The following SYN3 variants were observed in gnomAD, a reference collection of about 807,000 sequenced individuals.
The protein encoded by SYN3 is synapsin III.
In SYN3, 35 loss-of-function variants were observed where a neutral mutation model predicts 65.8. The observed-to-expected ratio is 0.53, with a 90% CI of 0.41 to 0.70. The LOEUF (loss-of-function observed/expected upper bound fraction) is 0.70, where lower values mean the gene tolerates loss of function less well. SYN3 is among the 30% of genes least tolerant of loss of function. The pLI is 0.00. For missense variants in SYN3, 680 were observed against 749.0 expected (o/e 0.91, Z 1.08); for synonymous variants, 270 against 292.9 (o/e 0.92, Z 0.80).
intron 6 of SYN3, among the ~76,000 whole-genome samples, chr22:32,819,692 A>G (rs1213027882): frequency 6.6e-6 from 1 of 152,056 alleles, no homozygotes; most frequent in Non-Finnish European, 1.5e-5. Context: ...GAGTAAGCAC[A>G]CTCTAGGGGC....
chr22:32,649,431 G>C (rs1047192446), intron 6 of SYN3, among the ~76,000 whole-genome samples: 3 of 152,170 alleles, frequency 2.0e-5, no homozygotes, highest in Non-Finnish European at 1.5e-5. Flanking sequence ...TTTTCGTATA[G>C]TCTATTTAAT....
intron 7 of SYN3, among the ~76,000 whole-genome samples, chr22:32,579,576 A>G (rs534412303): frequency 6.6e-6 from 1 of 152,300 alleles, no homozygotes; most frequent in African/African-American, 2.4e-5. Flanking sequence ...ATATGAACCT[A>G]ATAATATGTT....
At chr22:32,635,577 G>A in intron 6 of SYN3, among the ~76,000 whole-genome samples, 1 of 152,184 alleles carries the variant, frequency 6.6e-6, no homozygotes, top group East Asian at 1.9e-4. Context: ...TGCTTTCAAG[G>A]TCCCTGGTGC....
intron 6 of SYN3, among the ~76,000 whole-genome samples, chr22:32,632,597 GA>G (rs1442351637): frequency 6.6e-6 from 1 of 152,188 alleles, no homozygotes; most frequent in Non-Finnish European, 1.5e-5. Context: ...CCTAAGGTTT[GA>G]TGACTGAGAA....
At chr22:32,615,205 T>C (rs2146710496) in intron 6 of SYN3, among the ~76,000 whole-genome samples, 1 of 151,330 alleles carries the variant, frequency 6.6e-6, no homozygotes, top group South Asian at 2.1e-4. Flanking sequence ...ACCGCTGAGG[T>C]GGGTGGATCA....
intron 12 of SYN3, among the ~76,000 whole-genome samples, chr22:32,526,481 A>G (rs760693355): frequency 5.9e-5 from 9 of 151,932 alleles, no homozygotes; most frequent in Non-Finnish European, 1.0e-4. Context: ...CATGATAGTA[A>G]TGCCTTCTTT....
At chr22:32,750,893 G>C (rs2045099912) in intron 6 of SYN3, among the ~76,000 whole-genome samples, 1 of 152,098 alleles carries the variant, frequency 6.6e-6, no homozygotes. Flanking sequence ...TTTTGGGGTG[G>C]GGAGAAGATC....
chr22:32,790,328 TA>T (rs1406093249), intron 6 of SYN3, among the ~76,000 whole-genome samples: 1 of 152,124 alleles, frequency 6.6e-6, no homozygotes, highest in Non-Finnish European at 1.5e-5. Context: ...TATACTGTAA[TA>T]AACAATTAAG....
At chr22:32,762,750 G>T (rs900995600) in intron 6 of SYN3, among the ~76,000 whole-genome samples, 1 of 152,334 alleles carries the variant, frequency 6.6e-6, no homozygotes, top group African/African-American at 2.4e-5. Flanking sequence ...GGCACGCCCT[G>T]GTTCCCACTT....
At chr22:32,956,383 G>A (rs1186763543) in intron 3 of SYN3, among the ~76,000 whole-genome samples, 1 of 151,942 alleles carries the variant, frequency 6.6e-6, no homozygotes, top group African/African-American at 2.4e-5. Context: ...CTCAAACTCT[G>A]ACCTCAAATA....
chr22:32,891,716 C>T (rs1437960496), intron 4 of SYN3, among the ~76,000 whole-genome samples: 5 of 152,060 alleles, frequency 3.3e-5, no homozygotes, highest in African/African-American at 1.2e-4. Context: ...TTCAGGGCCA[C>T]GCACACCAAG....
chr22:32,999,566 C>T (rs145208301), intron 2 of SYN3, among the ~76,000 whole-genome samples: 36 of 152,222 alleles, frequency 2.4e-4, no homozygotes, highest in Non-Finnish European at 4.7e-4. Flanking sequence ...GCCTGCAATC[C>T]CAGACCCCCA....
At chr22:32,790,840 G>C (rs1430218553) in intron 6 of SYN3, among the ~76,000 whole-genome samples, 2 of 152,162 alleles carry the variant, frequency 1.3e-5, no homozygotes, top group African/African-American at 4.8e-5. Flanking sequence ...GGGGTCTCTA[G>C]AACCTTGCTC....
intron 6 of SYN3, among the ~76,000 whole-genome samples, chr22:32,666,123 A>C (rs938526477): frequency 2.0e-5 from 3 of 152,158 alleles, no homozygotes; most frequent in Admixed American, 2.0e-4. Flanking sequence ...TTCAAAATAC[A>C]TTCAGAATAT....
chr22:32,575,303 C>T (rs185933376), intron 7 of SYN3, among the ~76,000 whole-genome samples: 1 of 152,232 alleles, frequency 6.6e-6, no homozygotes, highest in Non-Finnish European at 1.5e-5. Context: ...TCCTCTTTAA[C>T]CCCAATACTT....
At chr22:32,723,654 T>C (rs983401516) in intron 6 of SYN3, among the ~76,000 whole-genome samples, 4 of 152,270 alleles carry the variant, frequency 2.6e-5, no homozygotes, top group Non-Finnish European at 5.9e-5. Context: ...ATTTCAGCTC[T>C]GGGCTCGGCT....
chr22:32,974,888 G>A (rs967510120), intron 3 of SYN3, among the ~76,000 whole-genome samples: 2 of 152,112 alleles, frequency 1.3e-5, no homozygotes, highest in Non-Finnish European at 1.5e-5. Flanking sequence ...TTTCAGGTGA[G>A]GAAATTGATT....
intron 11 of SYN3, among the ~76,000 whole-genome samples, chr22:32,528,347 C>A (rs185807485): frequency 4.6e-5 from 7 of 152,250 alleles, no homozygotes; most frequent in Admixed American, 4.6e-4. Context: ...TGGGGACTTG[C>A]TTTTACATAA....
intron 6 of SYN3, among the ~76,000 whole-genome samples, chr22:32,845,977 C>A (rs1420663014): frequency 6.6e-6 from 1 of 152,188 alleles, no homozygotes; most frequent in African/African-American, 2.4e-5. Context: ...AATGCACAAA[C>A]CAAATAGGTG....
Sources: allele counts gnomAD v4.1 joint callset (sites outside exome capture counted in the v4.1 genomes callset), GRCh38; gene constraint gnomAD v4.1.1; transcripts MANE v1.5; gene names NCBI Gene and HGNC (gene_info 2026-07-23, HGNC 2026-07-21).